TAFA1: variants seen among roughly 807,000 people sequenced by gnomAD.
TAFA1 encodes chemokine-like protein TAFA-1.
A neutral mutation model predicts 18.5 loss-of-function variants in TAFA1; 4 were observed. The ratio of observed to expected loss-of-function variants is 0.22; its 90% confidence interval spans 0.11 to 0.49. The LOEUF (loss-of-function observed/expected upper bound fraction) is 0.49, where lower values mean the gene tolerates loss of function less well. Ranked by LOEUF, TAFA1 falls within the 20% of genes least tolerant of loss-of-function variation. The pLI is 0.98. For synonymous variants in TAFA1, 56 were observed against 55.2 expected (o/e 1.01, Z -0.06); for missense variants, 147 against 169.0 (o/e 0.87, Z 0.72).
chr3:68,270,674 C>G (rs545783098), intron 2 of TAFA1, among the ~76,000 whole-genome samples: 2 of 152,254 alleles, frequency 1.3e-5, no homozygotes, highest in African/African-American at 4.8e-5. Context: ...TGGAGCTACC[C>G]TCATTAATTA....
At chr3:68,051,444 G>A (rs2064470604) in intron 2 of TAFA1, among the ~76,000 whole-genome samples, 2 of 152,066 alleles carry the variant, frequency 1.3e-5, no homozygotes, top group African/African-American at 4.8e-5. Flanking sequence ...TGCCACCTAG[G>A]GGATATTTGA....
chr3:68,180,327 AC>A (rs2066181686), intron 2 of TAFA1, among the ~76,000 whole-genome samples: 1 of 152,026 alleles, frequency 6.6e-6, no homozygotes, highest in East Asian at 1.9e-4. Context: ...AGTGTGAGCC[AC>A]CACATCCAGC....
chr3:68,008,245 G>A (rs2106771458), intron 2 of TAFA1, among the ~76,000 whole-genome samples: 1 of 152,354 alleles, frequency 6.6e-6, no homozygotes, highest in African/African-American at 2.4e-5. Flanking sequence ...CCTCAGTGCA[G>A]CCGAGATGGA....
chr3:68,386,607 T>C (rs2070110365), intron 2 of TAFA1, among the ~76,000 whole-genome samples: 1 of 152,170 alleles, frequency 6.6e-6, no homozygotes, highest in Non-Finnish European at 1.5e-5. Context: ...TTTTGACAAC[T>C]ATCCTTCCCT....
At chr3:68,128,960 G>A (rs1032777216) in intron 2 of TAFA1, among the ~76,000 whole-genome samples, 1 of 152,140 alleles carries the variant, frequency 6.6e-6, no homozygotes. Flanking sequence ...TACCTCAGTA[G>A]GTCATTTCTC....
intron 2 of TAFA1, among the ~76,000 whole-genome samples, chr3:68,344,806 CTTGAG>C (rs2069138494): frequency 6.6e-6 from 1 of 152,038 alleles, no homozygotes; most frequent in South Asian, 2.1e-4. Context: ...CTCAAATATC[CTTGAG>C]TTATTTTATT....
At chr3:68,402,186 C>T (rs529198562) in intron 2 of TAFA1, among the ~76,000 whole-genome samples, 7 of 152,188 alleles carry the variant, frequency 4.6e-5, no homozygotes, top group Non-Finnish European at 8.8e-5. Flanking sequence ...AACTAATTCC[C>T]TTCCCTCCAC....
chr3:68,438,212 A>G (rs1176207929), intron 3 of TAFA1, among the ~76,000 whole-genome samples: 1 of 151,946 alleles, frequency 6.6e-6, no homozygotes, highest in Non-Finnish European at 1.5e-5. Flanking sequence ...ACAAAAATTC[A>G]TTGGGTCTGG....
At chr3:68,319,296 T>G (rs1237121056) in intron 2 of TAFA1, among the ~76,000 whole-genome samples, 1 of 152,170 alleles carries the variant, frequency 6.6e-6, no homozygotes, top group East Asian at 1.9e-4. Flanking sequence ...AATACAAATC[T>G]CTAGAACAGC....
chr3:68,420,291 T>A lies in TAFA1; in HGVS notation c.259+2871T>A, dbSNP rs146690695. 7.4e-3 allele frequency among the ~76,000 whole-genome samples: 1,120 copies of A among 152,312 alleles called. 14 individuals carry two copies. Among genetic ancestry groups the A allele is most frequent in the African/African-American group, 0.025 (1,048 of 41,582 alleles). Reference sequence around the variant, plus strand: ...TTTTTATTTTTTAGAGACAGGATCTTGCTCTGTCACCCAGGTGGTGTGCCA... The same window carrying A: ...TTTTTATTTTTTAGAGACAGGATCTAGCTCTGTCACCCAGGTGGTGTGCCA... On this transcript the variant is annotated intron_variant, in intron 3 of 4. Transcript: ENST00000478136.
At chr3:68,065,955 A>C (rs1266146159) in intron 2 of TAFA1, among the ~76,000 whole-genome samples, 1 of 152,280 alleles carries the variant, frequency 6.6e-6, no homozygotes, top group South Asian at 2.1e-4. Context: ...CAACATGGAT[A>C]AATGTCAAAA....
At chr3:68,308,047 T>G (rs1446118116) in intron 2 of TAFA1, among the ~76,000 whole-genome samples, 2 of 152,170 alleles carry the variant, frequency 1.3e-5, no homozygotes, top group African/African-American at 4.8e-5. Context: ...ATGCCAAGCA[T>G]AGTAATAAAT....
chr3:68,304,575 G>A (rs1319394353), intron 2 of TAFA1, among the ~76,000 whole-genome samples: 1 of 152,126 alleles, frequency 6.6e-6, no homozygotes, highest in Non-Finnish European at 1.5e-5. Flanking sequence ...ATAAGTGATA[G>A]CCATTCCTAT....
intron 2 of TAFA1, among the ~76,000 whole-genome samples, chr3:68,019,250 C>G (rs1414841286): frequency 1.3e-5 from 2 of 152,200 alleles, no homozygotes; most frequent in African/African-American, 2.4e-5. Flanking sequence ...CTTAATTTCC[C>G]TATGCAAACA....
chr3:68,477,541 ATTTT>A (rs940055669), intron 3 of TAFA1, among the ~76,000 whole-genome samples: 1 of 147,148 alleles, frequency 6.8e-6, no homozygotes, highest in Non-Finnish European at 1.5e-5. Flanking sequence ...TGCTTGGCTA[ATTTT>A]TTTTTTTGTA....
intron 2 of TAFA1, among the ~76,000 whole-genome samples, chr3:68,229,956 C>CT (rs894372107): frequency 9.2e-5 from 14 of 151,910 alleles, no homozygotes; most frequent in East Asian, 3.9e-4. Flanking sequence ...TAATAAGTAA[C>CT]TTTTTTTTAA....
intron 2 of TAFA1, among the ~76,000 whole-genome samples, chr3:68,135,389 T>A (rs911613253): frequency 3.9e-5 from 6 of 152,214 alleles, no homozygotes; most frequent in African/African-American, 1.4e-4. Context: ...GGCAGGCACA[T>A]GCTTTGCATA....
intron 2 of TAFA1, among the ~76,000 whole-genome samples, chr3:68,171,252 T>G (rs2066049807): frequency 1.6e-5 from 1 of 62,876 alleles, no homozygotes; most frequent in Non-Finnish European, 3.3e-5. Flanking sequence ...CATTAATGAC[T>G]TAGAAGATAG....
intron 2 of TAFA1, among the ~76,000 whole-genome samples, chr3:68,166,011 GGT>G (rs1408463914): frequency 1.3e-5 from 2 of 152,140 alleles, no homozygotes; most frequent in African/African-American, 4.8e-5. Context: ...AACCTTGAAC[GGT>G]CTATAGGAAA....
Sources: gnomAD v4.1 joint callset for allele counts (sites outside exome capture counted in the v4.1 genomes callset) on GRCh38, gnomAD v4.1.1 for gene constraint, MANE v1.5 for transcripts, NCBI Gene and HGNC (gene_info 2026-07-23, HGNC 2026-07-21) for gene names.